The following CRPPA variants were observed in gnomAD, a reference collection of about 807,000 sequenced individuals.
CRPPA encodes CDP-L-ribitol pyrophosphorylase A, also known as D-ribitol-5-phosphate cytidylyltransferase.
CRPPA carries 43 observed loss-of-function variants against 52.0 expected under a neutral mutation model. That is an observed-to-expected ratio of 0.83 (90% CI 0.65 to 1.07). CRPPA has a LOEUF of 1.07. CRPPA is among the 50% of genes least tolerant of loss of function. The probability of loss-of-function intolerance (pLI) is 0.00; values close to 1 mark genes in which losing one functional copy is unlikely to be tolerated. For missense variants in CRPPA, 629 were observed against 551.7 expected, an observed-to-expected ratio of 1.14 and a Z score of -1.40; for synonymous variants, 250 against 203.5, an observed-to-expected ratio of 1.23 and a Z score of -1.94.
chr7:16,384,498 C>A (rs928626605), intron 2 of CRPPA, among the ~76,000 whole-genome samples: 1 of 152,092 alleles, frequency 6.6e-6, no homozygotes, highest in African/African-American at 2.4e-5. Context: ...GGATATATGC[C>A]CAAGGCATTA....
intron 8 of CRPPA, among the ~76,000 whole-genome samples, chr7:16,257,336 T>C (rs1027931841): frequency 9.9e-5 from 15 of 152,234 alleles, no homozygotes; most frequent in African/African-American, 3.4e-4. Context: ...TTTGAACTTA[T>C]CTCTATCCTA....
chr7:16,168,456 C>A (rs944820516), intron 9 of CRPPA, among the ~76,000 whole-genome samples: 4 of 151,380 alleles, frequency 2.6e-5, no homozygotes, highest in Non-Finnish European at 5.9e-5. Flanking sequence ...TATTTTCATA[C>A]CTAGCATCAG....
intron 9 of CRPPA, among the ~76,000 whole-genome samples, chr7:16,194,487 C>G (rs1440003418): frequency 6.6e-6 from 1 of 152,034 alleles, no homozygotes; most frequent in Non-Finnish European, 1.5e-5. Context: ...AGTAGCATGG[C>G]AAGAAACTAA....
At chr7:16,378,145 A>G (rs1056947685) in intron 2 of CRPPA, among the ~76,000 whole-genome samples, 23 of 151,918 alleles carry the variant, frequency 1.5e-4, no homozygotes, top group African/African-American at 4.8e-4. Flanking sequence ...GTTTTAGAGT[A>G]CATGTGCACA....
intron 9 of CRPPA, among the ~76,000 whole-genome samples, chr7:16,105,204 C>T (rs532844366): frequency 1.3e-5 from 2 of 152,260 alleles, no homozygotes; most frequent in African/African-American, 4.8e-5. Flanking sequence ...AGCAACTATC[C>T]GCAGACTGGA....
At chr7:16,282,770 G>A (rs1387211724) in intron 5 of CRPPA, among the ~76,000 whole-genome samples, 1 of 151,940 alleles carries the variant, frequency 6.6e-6, no homozygotes, top group African/African-American at 2.4e-5. Context: ...AAATATGGTG[G>A]ATCTGTTATT....
chr7:16,413,270 G>C (rs73291270), intron 1 of CRPPA, among the ~76,000 whole-genome samples: 1 of 152,102 alleles, frequency 6.6e-6, no homozygotes, highest in Non-Finnish European at 1.5e-5. Flanking sequence ...GAAGGCTCCC[G>C]GTTGTCAGGC....
At chr7:16,365,084 G>T (rs879450078) in intron 3 of CRPPA, among the ~76,000 whole-genome samples, 7 of 152,104 alleles carry the variant, frequency 4.6e-5, no homozygotes, top group Non-Finnish European at 1.0e-4. Flanking sequence ...AACTGCTTGT[G>T]GGCCCTCATG....
intron 9 of CRPPA, among the ~76,000 whole-genome samples, chr7:16,179,276 G>A (rs572760763): frequency 9.2e-5 from 14 of 152,128 alleles, no homozygotes; most frequent in Non-Finnish European, 1.6e-4. Flanking sequence ...TTTTTAAAAA[G>A]TAGTTCAACT....
chr7:16,267,712 G>A (rs1348183092), intron 6 of CRPPA, among the ~76,000 whole-genome samples: 12 of 152,018 alleles, frequency 7.9e-5, no homozygotes, highest in Admixed American at 7.9e-4. Context: ...TAATTTAAAT[G>A]CATAAAGTTT....
At chr7:16,265,435 C>T (rs892490610) in intron 6 of CRPPA, among the ~76,000 whole-genome samples, 2 of 152,216 alleles carry the variant, frequency 1.3e-5, no homozygotes, top group Admixed American at 6.5e-5. Flanking sequence ...TGGAGTCTAA[C>T]ATTCAGCCCG....
Position 16,300,193 on chromosome 7 carries a change from G to A in CRPPA, c.835+1228C>T, listed in dbSNP as rs192469436. Reference sequence around the variant, plus strand: ...AAACAACATATCCTTGAAGGACAAAGAACTTGAGGGTAAACAACAAATACA... The same window carrying A: ...AAACAACATATCCTTGAAGGACAAAAAACTTGAGGGTAAACAACAAATACA... On this transcript the variant is annotated intron_variant, in intron 5 of 9. Transcript: ENST00000407010. 2.0e-3 allele frequency among the ~76,000 whole-genome samples: 308 copies of A among 152,242 alleles called. 2 individuals are homozygous for A. The highest frequency in any genetic ancestry group is 0.01 in the Middle Eastern group (3 of 294).
chr7:16,317,857 CACCA>C (rs1383982050), intron 3 of CRPPA, among the ~76,000 whole-genome samples: 1 of 152,156 alleles, frequency 6.6e-6, no homozygotes, highest in East Asian at 1.9e-4. Context: ...TTTATATCCC[CACCA>C]ACAGAGTATC....
At chr7:16,324,351 A>C (rs925806317) in intron 3 of CRPPA, among the ~76,000 whole-genome samples, 2 of 152,234 alleles carry the variant, frequency 1.3e-5, no homozygotes, top group African/African-American at 4.8e-5. Flanking sequence ...CCTCCTCAGC[A>C]TCAAGAAGTT....
intron 9 of CRPPA, among the ~76,000 whole-genome samples, chr7:16,094,416 A>C (rs1417469010): frequency 6.6e-6 from 1 of 152,156 alleles, no homozygotes; most frequent in African/African-American, 2.4e-5. Flanking sequence ...TATCTCTAGA[A>C]CAGTATTAAC....
intron 9 of CRPPA, among the ~76,000 whole-genome samples, chr7:16,141,777 T>A (rs1782877214): frequency 6.6e-6 from 1 of 152,220 alleles, no homozygotes; most frequent in Non-Finnish European, 1.5e-5. Flanking sequence ...AACATTCAAC[T>A]TGTACATTAT....
chr7:16,111,808 G>A (rs1782269894), intron 9 of CRPPA, among the ~76,000 whole-genome samples: 1 of 152,104 alleles, frequency 6.6e-6, no homozygotes, highest in African/African-American at 2.4e-5. Context: ...TCTCAGACAC[G>A]AGAAATATGT....
chr7:16,182,349 A>C (rs2128387958), intron 9 of CRPPA, among the ~76,000 whole-genome samples: 1 of 152,222 alleles, frequency 6.6e-6, no homozygotes, highest in African/African-American at 2.4e-5. Context: ...GATGTTGGTA[A>C]ATAAGCCACA....
rs138883451 is a variant in CRPPA, at chr7:16,171,094, C to G, written c.1251+44972G>C. Among the ~76,000 whole-genome samples, 394 of 152,324 alleles carry G rather than the reference C, an allele frequency of 2.6e-3. 1 individual carries two copies. Among genetic ancestry groups the G allele is most frequent in the Non-Finnish European group, 4.7e-3 (319 of 68,026 alleles). On this transcript the variant is annotated intron_variant, in intron 9 of 9. Coordinates refer to ENST00000407010, the MANE Select transcript of CRPPA (RefSeq NM_001101426.4). The stretch of plus-strand genomic sequence containing the variant: ...GCCAAGGCCAAGGAGGCACTGAGAG[C>G]GAGTGAGGGCTGCCAGCACGTTGTT...
Sources: allele counts gnomAD v4.1 joint callset (sites outside exome capture counted in the v4.1 genomes callset), GRCh38; gene constraint gnomAD v4.1.1; transcripts MANE v1.5; gene names NCBI Gene and HGNC (gene_info 2026-07-23, HGNC 2026-07-21).